Variants in PPEF1 observed in about 807,000 individuals in gnomAD.
The protein encoded by PPEF1 is protein phosphatase with EF-hand domain 1, also known as serine/threonine-protein phosphatase with EF-hands 1.
In PPEF1, 12 loss-of-function variants were observed where a neutral mutation model predicts 53.3. The ratio of observed to expected loss-of-function variants is 0.23; its 90% confidence interval spans 0.14 to 0.36. The LOEUF (loss-of-function observed/expected upper bound fraction) is 0.36. Among genes scored for constraint, PPEF1 ranks in the 10% least tolerant of loss-of-function variants. The pLI is 1.00. For synonymous variants in PPEF1, 165 were observed against 176.7 expected, an observed-to-expected ratio of 0.93 and a Z score of 0.52; for missense variants, 334 against 490.4, an observed-to-expected ratio of 0.68 and a Z score of 3.01.
intron 1 of PPEF1, among the ~76,000 whole-genome samples, chrX:18,720,380 G>T (rs1018800173): frequency 4.5e-5 from 5 of 111,445 alleles, no homozygotes; most frequent in African/African-American, 1.6e-4. Context: ...TCACCTGAGG[G>T]CAGGAGTTCA....
intron 3 of PPEF1, among the ~76,000 whole-genome samples, chrX:18,749,401 C>T (rs2045394127): frequency 8.9e-6 from 1 of 112,284 alleles, no homozygotes; most frequent in South Asian, 3.7e-4. Flanking sequence ...GATGTTTGAA[C>T]CAAATATAAT....
intron 7 of PPEF1, among the ~76,000 whole-genome samples, chrX:18,781,404 C>T (rs2046082505): frequency 9.0e-6 from 1 of 110,685 alleles, no homozygotes; most frequent in African/African-American, 3.3e-5. Flanking sequence ...AAGGAACTAC[C>T]ACATTTAAGG....
Position 18,749,944 on chromosome X carries a change from G to A in PPEF1, c.388G>A (p.Glu130Lys). Reference protein sequence around the residue: ...DIDLLLEAFKEQQILHAHYVL... With the variant: ...DIDLLLEAFKKQQILHAHYVL... Reference sequence around the variant, plus strand: ...TGATTTACTTCTTGAGGCCTTCAAGGAACAACAGGTAAGTGGAAGCAGATG... The same window carrying A: ...TGATTTACTTCTTGAGGCCTTCAAGAAACAACAGGTAAGTGGAAGCAGATG... Residue 130 changes from glutamate to lysine, a missense_variant, in exon 4 of 16, where the codon GAA becomes AAA. Coordinates refer to ENST00000470157, the MANE Select transcript of PPEF1 (RefSeq NM_001377996.1). 1 of 1,201,165 alleles carries A rather than the reference G, an allele frequency of 8.3e-7. No homozygotes were observed. The highest frequency in any genetic ancestry group is 3.0e-5 in the East Asian group (1 of 33,732).
At chrX:18,729,839 A>G (rs1002435200) in intron 1 of PPEF1, among the ~76,000 whole-genome samples, 2 of 112,137 alleles carry the variant, frequency 1.8e-5, no homozygotes, top group African/African-American at 6.5e-5. Flanking sequence ...AGGTGCTGTT[A>G]TTATTCCTAT....
At chrX:18,788,045 A>ACG (rs2046244450) in intron 9 of PPEF1, among the ~76,000 whole-genome samples, 5 of 112,106 alleles carry the variant, frequency 4.5e-5, no homozygotes, top group Non-Finnish European at 9.4e-5. Context: ...GGCCGGGTGC[A>ACG]GTGGCTCACG....
intron 13 of PPEF1, among the ~76,000 whole-genome samples, chrX:18,818,974 A>G (rs1345269201): frequency 8.9e-6 from 1 of 111,914 alleles, no homozygotes; most frequent in Non-Finnish European, 1.9e-5. Flanking sequence ...GACTTCCATC[A>G]TCATGCTTGG....
chrX:18,755,663 A>G (rs2045533413), intron 4 of PPEF1, among the ~76,000 whole-genome samples: 1 of 111,072 alleles, frequency 9.0e-6, no homozygotes, highest in Non-Finnish European at 1.9e-5. Flanking sequence ...GAACATTTTC[A>G]TCACCCCCAA....
chrX:18,795,905 T>A (rs765102959), intron 10 of PPEF1, among the ~76,000 whole-genome samples: 1 of 112,404 alleles, frequency 8.9e-6, no homozygotes, highest in South Asian at 3.7e-4. Context: ...ATACCATGTC[T>A]CTCACTGTAG....
At chrX:18,675,961 G>A (rs868692243) in exon 1 of PPEF1, 1 of 92,512 alleles carries the variant, frequency 1.1e-5, no homozygotes, top group Non-Finnish European at 2.1e-5. Context: ...TTGGGCGGGG[G>A]GGGGGGGGCA....
intron 9 of PPEF1, among the ~76,000 whole-genome samples, chrX:18,788,911 T>C (rs970741183): frequency 3.4e-4 from 38 of 112,546 alleles, no homozygotes; most frequent in African/African-American, 1.2e-3. Flanking sequence ...ATGTCTGTAA[T>C]TGGAAAATGT....
At chrX:18,803,372 T>C (rs185890292) in intron 10 of PPEF1, among the ~76,000 whole-genome samples, 1 of 112,915 alleles carries the variant, frequency 8.9e-6, no homozygotes, top group Admixed American at 9.3e-5. Context: ...GTGGGCGTTA[T>C]GGCCATCATG....
At chrX:18,746,422 G>T (rs934811764) in intron 3 of PPEF1, among the ~76,000 whole-genome samples, 1 of 112,007 alleles carries the variant, frequency 8.9e-6, no homozygotes, top group Admixed American at 9.5e-5. Flanking sequence ...ACTAAGAATC[G>T]GTTTAGGGAA....
rs1381050063 is a variant in PPEF1 at position 18,730,273 on chromosome X, T to C, written c.139T>C (p.Ser47Pro). 1 of 1,209,906 alleles carries C rather than the reference T, an allele frequency of 8.3e-7. No individual in the cohort carries two copies. The highest frequency in any genetic ancestry group is 1.1e-6 in the Non-Finnish European group (1 of 894,111). ...ACACTATGCCCTCACCATCTTCCAGTCCATCGAATATGCTGATGAACAAGG... is the reference window on the plus strand; with the variant it reads ...ACACTATGCCCTCACCATCTTCCAGCCCATCGAATATGCTGATGAACAAGG... ...RQHYALTIFQ[S>P]IEYADEQGQM... is the part of the protein sequence containing the mutation. The change falls in exon 2 of 16, where the codon TCC (serine) becomes CCC (proline). Residue 47 changes from serine (S) to proline (P), a missense_variant. Ser to Pro is a moderately conservative substitution (Grantham distance 74). Transcript: ENST00000470157.
At chrX:18,777,281 T>C (rs186206999) in intron 6 of PPEF1, among the ~76,000 whole-genome samples, 1 of 112,383 alleles carries the variant, frequency 8.9e-6, no homozygotes, top group East Asian at 2.8e-4. Flanking sequence ...ATCCCTAAAT[T>C]ATATGCTGTA....
At chrX:18,699,996 C>G (rs1213184023) in intron 5 of PPEF1, 1 of 111,806 alleles carries the variant, frequency 8.9e-6, no homozygotes, top group Non-Finnish European at 1.9e-5. Context: ...GAGCCTGGTC[C>G]CTTTGGAAGC....
At position 18,814,460 on chromosome X, in the gene PPEF1, C is replaced by T. The variant is rs777617699; in HGVS notation, c.1395-3579C>T. ...CTGAACTAGTTTGCATTTACACCAG[C>T]GGTGTATAAGCATTCCCTTTTCTCT... On this transcript the variant is annotated intron_variant, in intron 12 of 15. Transcript: ENST00000470157. 2.7e-5 allele frequency among the ~76,000 whole-genome samples: 3 copies of T among 111,916 alleles called. No homozygotes were observed. In the South Asian group the frequency reaches 1.1e-3, roughly 42 times the overall value.
chrX:18,693,391 A>G (rs1315824867), intron 4 of PPEF1, among the ~76,000 whole-genome samples: 5 of 110,328 alleles, frequency 4.5e-5, no homozygotes, highest in African/African-American at 1.7e-4. Flanking sequence ...AATATAACAG[A>G]CTCCCATGTT....
upstream of PPEF1, among the ~76,000 whole-genome samples, chrX:18,706,038 T>G (rs1300864389): frequency 9.4e-6 from 1 of 106,717 alleles, no homozygotes; most frequent in East Asian, 3.0e-4. Flanking sequence ...GAGGACAAGG[T>G]CGGAGGATCA....
chrX:18,813,866 AG>A (rs1801392241), intron 12 of PPEF1, among the ~76,000 whole-genome samples: 1 of 111,781 alleles, frequency 8.9e-6, no homozygotes, highest in African/African-American at 3.2e-5. Flanking sequence ...TTTCGATTCA[AG>A]GAGTACATGT....
Sources: gnomAD v4.1 joint callset for allele counts (sites outside exome capture counted in the v4.1 genomes callset) on GRCh38, gnomAD v4.1.1 for gene constraint, MANE v1.5 for transcripts, NCBI Gene and HGNC (gene_info 2026-07-23, HGNC 2026-07-21) for gene names.